Variants in ACOT9 observed in about 807,000 individuals in gnomAD.
The protein encoded by ACOT9 is acyl-CoA thioesterase 9.
ACOT9 carries 34 observed loss-of-function variants against 39.7 expected under a neutral mutation model. The observed-to-expected ratio is 0.86, with a 90% confidence interval of 0.65 to 1.14. ACOT9 has a LOEUF of 1.14. Ranked by LOEUF, ACOT9 falls within the 50% of genes most tolerant of loss-of-function variation. The pLI, the probability that ACOT9 is intolerant of heterozygous loss-of-function variation, is 0.00. For missense variants in ACOT9, 313 were observed against 344.1 expected (o/e 0.91, Z 0.71); for synonymous variants, 110 against 120.5 (o/e 0.91, Z 0.57).
At chrX:23,736,147 G>T in intron 1 of ACOT9, 131 bp from the exon 2 acceptor site, 2 of 389,319 alleles carry the variant, frequency 5.1e-6, no homozygotes, top group Non-Finnish European at 8.6e-6. Flanking sequence ...GTCTGTAGCT[G>T]TTTCACAAGT....
At chrX:23,725,117 A>G (rs1929462031) in intron 6 of ACOT9, among the ~76,000 whole-genome samples, 1 of 111,111 alleles carries the variant, frequency 9.0e-6, no homozygotes, top group South Asian at 3.8e-4. Flanking sequence ...AAGGGTAGAG[A>G]AGAGACGGAG....
chrX:23,732,913 T>C (rs1929808502), intron 4 of ACOT9, among the ~76,000 whole-genome samples: 1 of 112,135 alleles, frequency 8.9e-6, no homozygotes, highest in Non-Finnish European at 1.9e-5. Context: ...AGTTTTGTTA[T>C]GAGAATCAGT....
chrX:23,707,394 C>T (rs1369590781), intron 10 of ACOT9, among the ~76,000 whole-genome samples: 1 of 110,777 alleles, frequency 9.0e-6, no homozygotes, highest in Non-Finnish European at 1.9e-5. Flanking sequence ...AGTATGGACT[C>T]CAAAGAAAAA....
intron 6 of ACOT9, among the ~76,000 whole-genome samples, chrX:23,728,828 T>A (rs1339125595): frequency 9.0e-6 from 1 of 111,508 alleles, no homozygotes; most frequent in Non-Finnish European, 1.9e-5. Flanking sequence ...AAGCATAAGA[T>A]GAGCCTAGAA....
intron 6 of ACOT9, among the ~76,000 whole-genome samples, chrX:23,728,946 T>C (rs755558049): frequency 5.4e-5 from 6 of 111,268 alleles, no homozygotes; most frequent in Admixed American, 9.7e-5. Flanking sequence ...CCTGGGATCA[T>C]GTGAACATCA....
At chrX:23,731,831 G>A (rs1929765332) in intron 4 of ACOT9, among the ~76,000 whole-genome samples, 1 of 110,794 alleles carries the variant, frequency 9.0e-6, no homozygotes, top group African/African-American at 3.3e-5. Context: ...AACATAACAT[G>A]AAAAGGAGAC....
chrX:23,728,361 G>A (rs1929610679), intron 6 of ACOT9, among the ~76,000 whole-genome samples: 1 of 110,581 alleles, frequency 9.0e-6, no homozygotes, highest in African/African-American at 3.3e-5. Flanking sequence ...ACCTGGTGTG[G>A]GGTACCAGAG....
intron 15 of ACOT9, 82 bp from the exon 16 acceptor site, chrX:23,704,064 T>C (rs1928575676): frequency 2.5e-6 from 2 of 806,199 alleles, no homozygotes; most frequent in Non-Finnish European, 3.7e-6. Flanking sequence ...ACAAGACTAC[T>C]TGGGAACACT....
At chrX:23,737,701 A>ACAATC (rs1409333032) in intron 1 of ACOT9, among the ~76,000 whole-genome samples, 1 of 111,217 alleles carries the variant, frequency 9.0e-6, no homozygotes, top group Admixed American at 9.6e-5. Context: ...TGGTTGCAAT[A>ACAATC]CAATCCCTGC....
intron 8 of ACOT9, among the ~76,000 whole-genome samples, chrX:23,715,647 C>T (rs752708877): frequency 9.0e-6 from 1 of 111,499 alleles, no homozygotes; most frequent in Non-Finnish European, 1.9e-5. Flanking sequence ...CCAACAGTGT[C>T]CCTGTTGAAA....
intron 1 of ACOT9, among the ~76,000 whole-genome samples, chrX:23,742,213 T>TGAGAGAGAGAGAGAGAGAGAGA (rs1190609377): frequency 2.9e-5 from 2 of 68,895 alleles, no homozygotes; most frequent in Non-Finnish European, 2.5e-5. Flanking sequence ...AGTGAGTGAG[T>TGAGAGAGAGAGAGAGAGAGAGA]GAGAGAGAGA....
chrX:23,713,046 G>A, intron 9 of ACOT9, 89 bp downstream of exon 9: 2 of 745,988 alleles, frequency 2.7e-6, no homozygotes, highest in Admixed American at 5.2e-5. Flanking sequence ...CAAGTGATAG[G>A]TATATGGACA....
At chrX:23,723,234 T>A (rs1054439333) in intron 6 of ACOT9, among the ~76,000 whole-genome samples, 1 of 112,178 alleles carries the variant, frequency 8.9e-6, no homozygotes, top group Non-Finnish European at 1.9e-5. Context: ...CCTGTGGTTA[T>A]CTGTATACTT....
intron 8 of ACOT9, among the ~76,000 whole-genome samples, chrX:23,716,534 G>A (rs907808046): frequency 8.9e-6 from 1 of 111,907 alleles, no homozygotes; most frequent in Non-Finnish European, 1.9e-5. Context: ...CCAAGCACTA[G>A]AACGCAAACA....
rs952740624 is a variant in ACOT9, at chrX:23,718,998, G to A, written c.588+2883C>T. 4.5e-5 allele frequency among the ~76,000 whole-genome samples: 5 copies of A among 110,546 alleles called. No individual in the cohort carries two copies. In the East Asian group the frequency reaches 1.1e-3, roughly 25 times the overall value. ...TAAAACAGTATTACTGGCTGGGCAC[G>A]GTGGCTCACGCCTGAAATCCCAGCA... On this transcript the variant is annotated intron_variant, in intron 8 of 15. Coordinates refer to ENST00000379303, the MANE Select transcript of ACOT9 (RefSeq NM_001037171.2).
chrX:23,719,195 G>A (rs917404213), intron 8 of ACOT9, among the ~76,000 whole-genome samples: 4 of 110,219 alleles, frequency 3.6e-5, no homozygotes, highest in African/African-American at 1.3e-4. Context: ...ACTGGAACCC[G>A]AGGGGCAGAG....
intron 1 of ACOT9, among the ~76,000 whole-genome samples, chrX:23,738,115 C>T (rs1930007375): frequency 9.2e-6 from 1 of 108,320 alleles, no homozygotes; most frequent in African/African-American, 3.4e-5. Context: ...GATCTGCCCA[C>T]CTTGGCCTCC....
At chrX:23,712,295 C>T (rs1204548352) in intron 9 of ACOT9, among the ~76,000 whole-genome samples, 1 of 107,148 alleles carries the variant, frequency 9.3e-6, no homozygotes, top group African/African-American at 3.4e-5. Flanking sequence ...ATCCCAGTTA[C>T]TCAGGAGGCT....
chrX:23,733,261 T>A, intron 3 of ACOT9, 44 bp from the exon 4 acceptor site: 1 of 1,120,291 alleles, frequency 8.9e-7, no homozygotes, highest in South Asian at 1.9e-5. Context: ...CAAAGAAATA[T>A]GAGAAACGGA....
Sources: gnomAD v4.1 joint callset for allele counts (sites outside exome capture counted in the v4.1 genomes callset) on GRCh38, gnomAD v4.1.1 for gene constraint, MANE v1.5 for transcripts, NCBI Gene and HGNC (gene_info 2026-07-23, HGNC 2026-07-21) for gene names.